TMEM52B: variants seen among roughly 807,000 people sequenced by gnomAD.
TMEM52B encodes transmembrane protein 52B, also known as chromosome 12 open reading frame 59.
Under a neutral mutation model 16.1 loss-of-function variants are expected in TMEM52B, and 11 were observed. The ratio of observed to expected loss-of-function variants is 0.68; its 90% CI spans 0.43 to 1.13. The LOEUF is 1.13. TMEM52B is among the 50% of genes most tolerant of loss of function. TMEM52B has a pLI of 0.00. For missense variants in TMEM52B, 243 were observed against 230.4 expected (o/e 1.05, Z -0.35); for synonymous variants, 101 against 93.8 (o/e 1.08, Z -0.45).
intron 1 of TMEM52B, among the ~76,000 whole-genome samples, chr12:10,173,300 T>A (rs908552265): frequency 4.7e-5 from 7 of 148,746 alleles, no homozygotes; most frequent in African/African-American, 1.7e-4. Flanking sequence ...TTTAAATTAC[T>A]CCAGGAAAAA....
intron 2 of TMEM52B, among the ~76,000 whole-genome samples, chr12:10,183,073 A>G (rs922924083): frequency 3.3e-5 from 5 of 152,186 alleles, no homozygotes; most frequent in African/African-American, 1.2e-4. Context: ...ACTAATCCAA[A>G]CCTGTCACAC....
chr12:10,188,446 G>A (rs1244664615), intron 4 of TMEM52B, among the ~76,000 whole-genome samples: 2 of 147,804 alleles, frequency 1.4e-5, no homozygotes, highest in Non-Finnish European at 3.0e-5. Context: ...GCTACAGAGT[G>A]AGACACCATC....
intron 1 of TMEM52B, among the ~76,000 whole-genome samples, chr12:10,172,804 A>G (rs751642495): frequency 1.3e-5 from 2 of 152,196 alleles, no homozygotes; most frequent in African/African-American, 2.4e-5. Context: ...GAAATTAGGG[A>G]TAATGTCTAC....
In TMEM52B at chr12:10,179,542, T is replaced by C. The variant is rs757807343; in HGVS notation, c.-33T>C. On this transcript the variant is annotated 5_prime_UTR_variant, in exon 1 of 5. Coordinates refer to ENST00000543484, the MANE Select transcript of TMEM52B (RefSeq NM_001384896.1). ...TTGAAAGGAGGCAACGGATGCCCAG[T>C]GCAAGATTCTGAAGAAGCAGGAATT... The C allele has an allele frequency of 1.7e-5, 28 of 1,613,662 alleles. No individual in the cohort carries two copies. The highest frequency in any genetic ancestry group is 2.7e-5 in the African/African-American group (2 of 74,920).
chr12:10,189,067 G>T (rs1313321662), intron 4 of TMEM52B, among the ~76,000 whole-genome samples: 4 of 142,566 alleles, frequency 2.8e-5, no homozygotes, highest in Admixed American at 7.3e-5. Context: ...CAGGCACGTT[G>T]GCACATGCCT....
At chr12:10,189,514 C>T (rs751079278) in intron 4 of TMEM52B, among the ~76,000 whole-genome samples, 22 of 150,994 alleles carry the variant, frequency 1.5e-4, no homozygotes, top group Admixed American at 7.3e-4. Flanking sequence ...ATCCCAGCTA[C>T]TTGGGAGGCT....
intron 4 of TMEM52B, among the ~76,000 whole-genome samples, chr12:10,188,624 T>C (rs1476494703): frequency 6.6e-6 from 1 of 151,426 alleles, no homozygotes; most frequent in Non-Finnish European, 1.5e-5. Flanking sequence ...CCCAGAACTT[T>C]GGGAGGCCGA....
chr12:10,175,371 C>T (rs776842598), upstream of TMEM52B: 1 of 152,112 alleles, frequency 6.6e-6, no homozygotes, highest in Non-Finnish European at 1.5e-5. Flanking sequence ...CCCAGGCTCA[C>T]CTGAGAATGC....
Position 10,182,565 on chromosome 12 carries a change from T to A in TMEM52B, c.70T>A (p.Cys24Ser). ...CTTTCTACAGCTTTCTGGGACGAGA[T>A]GTGAGGAAAACTGTGGTAATCCTGA... is the stretch of plus-strand genomic sequence containing the variant. ...LYFILLSGTR[C>S]EENCGNPEHC... The change falls in exon 2 of 5, where the codon TGT (cysteine) becomes AGT (serine). Residue 24 changes from cysteine to serine, a missense_variant. Coordinates refer to ENST00000543484, the MANE Select transcript of TMEM52B (RefSeq NM_001384896.1). The A allele has an allele frequency of 6.5e-7, 1 of 1,535,560 alleles. No homozygotes were observed. Among genetic ancestry groups the A allele is most frequent in the Non-Finnish European group, 8.7e-7 (1 of 1,146,490 alleles).
In TMEM52B at chr12:10,189,339, C is replaced by A. The variant is rs538514219; in HGVS notation, c.308-557C>A. Among the ~76,000 whole-genome samples the A allele has an allele frequency of 2.7e-3, 407 of 151,790 alleles. 3 individuals are homozygous for A. Among genetic ancestry groups the A allele is most frequent in the African/African-American group, 9.5e-3 (392 of 41,398 alleles). On this transcript the variant is annotated intron_variant, in intron 4 of 4. Transcript: ENST00000543484. Reference sequence around the variant, plus strand: ...TTGAGTTGCAGGATGCAGAAACATTCTTGGCTGGGTGTGGTGGTTCACTCC... The same window carrying A: ...TTGAGTTGCAGGATGCAGAAACATTATTGGCTGGGTGTGGTGGTTCACTCC...
rs1181106027 is a variant in TMEM52B, at chr12:10,190,593, T to G, written c.*453T>G. On this transcript the variant is annotated 3_prime_UTR_variant, in exon 5 of 5. Coordinates refer to ENST00000543484, the MANE Select transcript of TMEM52B (RefSeq NM_001384896.1). The stretch of plus-strand genomic sequence containing the variant: ...TGCATCTTTCCTCCTGAGACAGCAA[T>G]CGATTTTACACCGAATGACAATGAT... 1.1e-5 allele frequency: 2 copies of G among 189,360 alleles called. No individual in the cohort carries two copies. The highest frequency in any genetic ancestry group is 4.6e-5 in the African/African-American group (2 of 43,132). The allele number at this position is 189,360 out of a possible 1,614,324, so 11.7% of individuals were successfully genotyped here.
chr12:10,188,004 C>T (rs534026244), intron 4 of TMEM52B, among the ~76,000 whole-genome samples: 1 of 152,126 alleles, frequency 6.6e-6, no homozygotes, highest in East Asian at 2.0e-4. Context: ...GAAGCTGAGG[C>T]GTGACACTCG....
chr12:10,184,009 T>C (rs1175926652), intron 2 of TMEM52B, among the ~76,000 whole-genome samples: 2 of 152,202 alleles, frequency 1.3e-5, no homozygotes, highest in African/African-American at 4.8e-5. Flanking sequence ...CAATGCAGAA[T>C]GCTTAAAGCC....
chr12:10,186,062 G>A (rs1464836706), intron 3 of TMEM52B, among the ~76,000 whole-genome samples: 5 of 151,812 alleles, frequency 3.3e-5, no homozygotes, highest in African/African-American at 7.3e-5. Context: ...AATTAGTCGA[G>A]TGTGGTGGCA....
chr12:10,190,159 A>G lies in TMEM52B; in HGVS notation c.*19A>G, dbSNP rs1426543740. The stretch of plus-strand genomic sequence containing the variant: ...GAACTGATGAGAGCTGTCATTTTAT[A>G]AATAGGAGTGGAGTGATGTCCAGAG... On this transcript the variant is annotated 3_prime_UTR_variant, in exon 5 of 5. Transcript: ENST00000543484. 2 of 1,613,876 alleles carry G rather than the reference A, an allele frequency of 1.2e-6. No individual in the cohort carries two copies. The highest frequency in any genetic ancestry group is 2.7e-5 in the African/African-American group (2 of 74,914).
intron 1 of TMEM52B, chr12:10,182,032 A>T: frequency 8.2e-6 from 2 of 242,518 alleles, no homozygotes; most frequent in Non-Finnish European, 1.2e-5. Flanking sequence ...AAAAAAAAAA[A>T]AAAAAAAACA....
Position 10,190,569 on chromosome 12 carries a change from G to A in TMEM52B, c.*429G>A, listed in dbSNP as rs1199475435. ...ATCGACATTAATGCACTGAATGCAT[G>A]CATCTTTCCTCCTGAGACAGCAATC... On this transcript the variant is annotated 3_prime_UTR_variant, in exon 5 of 5. Coordinates refer to ENST00000543484, the MANE Select transcript of TMEM52B (RefSeq NM_001384896.1). The A allele has an allele frequency of 5.1e-6, 1 of 194,966 alleles. No homozygotes were observed. Among genetic ancestry groups the A allele is most frequent in the Non-Finnish European group, 1.1e-5 (1 of 91,724 alleles). 12.1% of individuals were successfully genotyped at this position (194,966 alleles called of 1,614,324 possible).
upstream of TMEM52B, among the ~76,000 whole-genome samples, chr12:10,178,784 T>C (rs1948789855): frequency 6.6e-6 from 1 of 152,160 alleles, no homozygotes; most frequent in Non-Finnish European, 1.5e-5. Flanking sequence ...GGAAGTGAAG[T>C]CAGGGAGGAG....
chr12:10,189,449 C>T (rs937314263), intron 4 of TMEM52B, among the ~76,000 whole-genome samples: 3 of 150,910 alleles, frequency 2.0e-5, no homozygotes, highest in Non-Finnish European at 4.4e-5. Flanking sequence ...CATAGTGAAA[C>T]CCTGTCTCTA....
Sources: allele counts gnomAD v4.1 joint callset (sites outside exome capture counted in the v4.1 genomes callset), GRCh38; gene constraint gnomAD v4.1.1; transcripts MANE v1.5; gene names NCBI Gene and HGNC (gene_info 2026-07-23, HGNC 2026-07-21).